Variants in CNOT11 observed in about 807,000 individuals in gnomAD.
CNOT11 encodes the protein CCR4-NOT transcription complex subunit 11.
In CNOT11, 18 loss-of-function variants were observed where a neutral mutation model predicts 44.6. The observed-to-expected ratio is 0.40, with a 90% CI of 0.28 to 0.60. The LOEUF (loss-of-function observed/expected upper bound fraction) is 0.60, where lower values mean the gene tolerates loss of function less well. Ranked by LOEUF, CNOT11 falls within the 20% of genes least tolerant of loss-of-function variation. The probability of loss-of-function intolerance (pLI) is 0.38; values close to 1 mark genes in which losing one functional copy is unlikely to be tolerated. For synonymous variants in CNOT11, 291 were observed against 270.9 expected (o/e 1.07, Z -0.73); for missense variants, 513 against 677.0 (o/e 0.76, Z 2.69).
At chr2:101,259,521 C>CA in intron 2 of CNOT11, among the ~76,000 whole-genome samples, 1 of 152,302 alleles carries the variant, frequency 6.6e-6, no homozygotes, top group East Asian at 1.9e-4. Flanking sequence ...TGTCAGCATT[C>CA]ATTTTCTCAC....
At chr2:101,257,163 C>T (rs910463095) in intron 1 of CNOT11, among the ~76,000 whole-genome samples, 1 of 151,906 alleles carries the variant, frequency 6.6e-6, no homozygotes, top group Non-Finnish European at 1.5e-5. Context: ...GAGGCTGAGG[C>T]GAGTGGATCA....
intron 2 of CNOT11, among the ~76,000 whole-genome samples, chr2:101,258,273 C>G (rs1225740551): frequency 1.3e-5 from 2 of 151,958 alleles, no homozygotes; most frequent in African/African-American, 4.8e-5. Flanking sequence ...TGCAGCACGC[C>G]TGTAATCCCA....
At position 101,252,996 on chromosome 2, in the gene CNOT11, GC is replaced by G. The variant is rs1681653518; in HGVS notation, c.34del (p.Arg12GlyfsTer50). 1 of 1,496,912 alleles carries G rather than the reference GC, an allele frequency of 6.7e-7. No homozygotes were observed. Among genetic ancestry groups the G allele is most frequent in the Admixed American group, 2.2e-5 (1 of 45,948 alleles). The allele number at this position is 1,496,912 out of a possible 1,614,324, so 92.7% of individuals were successfully genotyped here. Reference protein sequence around the residue: MPGGGASAASGRLLTAAEQRG... With the variant: MPGGGASAASXRLLTAAEQRG... ...GGCGGAGGGGCGAGCGCGGCGTCTG[GC>G]CGGCTTCTCACCGCCGCGGAGCAAA... On this transcript the variant is annotated frameshift_variant, in exon 1 of 7. Coordinates refer to ENST00000289382, the MANE Select transcript of CNOT11 (RefSeq NM_017546.5). LOFTEE classifies it high-confidence loss of function.
chr2:101,252,993 C>G lies in CNOT11; in HGVS notation c.29C>G (p.Ser10Cys). ...CCCGGCGGAGGGGCGAGCGCGGCGTCTGGCCGGCTTCTCACCGCCGCGGAG... is the reference window on the plus strand; with the variant it reads ...CCCGGCGGAGGGGCGAGCGCGGCGTGTGGCCGGCTTCTCACCGCCGCGGAG... MPGGGASAA[S>C]GRLLTAAEQR... Residue 10 changes from serine (S) to cysteine (C), a missense_variant, in exon 1 of 7, where the codon TCT becomes TGT. By Grantham distance (112) the Ser-to-Cys change is moderately radical. Coordinates refer to ENST00000289382, the MANE Select transcript of CNOT11 (RefSeq NM_017546.5). The G allele has an allele frequency of 6.7e-7, 1 of 1,494,236 alleles. No individual in the cohort carries two copies. Among genetic ancestry groups the G allele is most frequent in the South Asian group, 1.2e-5 (1 of 80,006 alleles). The allele number at this position is 1,494,236 out of a possible 1,614,324, so 92.6% of individuals were successfully genotyped here.
Position 101,264,841 on chromosome 2 carries a change from A to G in CNOT11, c.833-4A>G. The stretch of plus-strand genomic sequence containing the variant: ...AGGAGCAACTATCACGGCTCTCATT[A>G]CAGGCCATTTTCGACCAGAGTTTAT... On this transcript the variant is annotated splice_polypyrimidine_tract_variant and splice_region_variant and intron_variant, in intron 3 of 6. Transcript: ENST00000289382. 1.2e-6 allele frequency: 2 copies of G among 1,613,624 alleles called. No homozygotes were observed. The highest frequency in any genetic ancestry group is 1.7e-6 in the Non-Finnish European group (2 of 1,179,596).
At chr2:101,259,118 C>T (rs370608065) in intron 2 of CNOT11, among the ~76,000 whole-genome samples, 18 of 152,206 alleles carry the variant, frequency 1.2e-4, no homozygotes, top group South Asian at 1.0e-3. Context: ...TGCACAATAT[C>T]GTGAGACCTG....
chr2:101,266,913 T>A, intron 5 of CNOT11, 34 bp downstream of exon 5: 1 of 1,515,554 alleles, frequency 6.6e-7, no homozygotes, highest in Non-Finnish European at 9.2e-7. Context: ...TGTGTGGGGA[T>A]AGATACAGAT....
At position 101,270,301 on chromosome 2, in the gene CNOT11, T is replaced by G. The variant is rs1682084292; in HGVS notation, c.*888T>G. The G allele has an allele frequency of 6.6e-6, 1 of 152,594 alleles. No individual in the cohort carries two copies. The highest frequency in any genetic ancestry group is 1.5e-5 in the Non-Finnish European group (1 of 68,032). 9.5% of individuals were successfully genotyped at this position (152,594 alleles called of 1,614,324 possible). ...ACAACAGTGCCTTCCATTAAAGTTC[T>G]TTTTATCAACTGTTATCTGATGTAT... On this transcript the variant is annotated 3_prime_UTR_variant, in exon 7 of 7. Coordinates refer to ENST00000289382, the MANE Select transcript of CNOT11 (RefSeq NM_017546.5).
intron 3 of CNOT11, among the ~76,000 whole-genome samples, chr2:101,263,425 C>A (rs1553436186): frequency 1.3e-5 from 2 of 152,040 alleles, no homozygotes; most frequent in Non-Finnish European, 2.9e-5. Context: ...TTGGGGATTT[C>A]TTTAAGAGAT....
chr2:101,260,287 T>C (rs908458659), intron 2 of CNOT11, among the ~76,000 whole-genome samples: 2 of 152,126 alleles, frequency 1.3e-5, no homozygotes, highest in African/African-American at 4.8e-5. Context: ...TATTATAATA[T>C]TTATTTATAG....
At chr2:101,263,771 GCTT>G (rs1046729081) in intron 3 of CNOT11, among the ~76,000 whole-genome samples, 12 of 152,292 alleles carry the variant, frequency 7.9e-5, no homozygotes, top group African/African-American at 2.9e-4. Flanking sequence ...GCATGTAATG[GCTT>G]CTTTTAAATA....
rs1046169251 is a variant in CNOT11, at chr2:101,252,927, C to A, written c.-38C>A. 17 of 1,399,294 alleles carry A rather than the reference C, an allele frequency of 1.2e-5. No individual in the cohort carries two copies. The highest frequency in any genetic ancestry group is 3.5e-5 in the Admixed American group (1 of 28,252). The allele number at this position is 1,399,294 out of a possible 1,614,324, so 86.7% of individuals were successfully genotyped here. ...GGGACGGAGCGAGCCGGCGCCAGGG[C>A]CCCTCGGGCCGGGAAGAGGGGAAGG... On this transcript the variant is annotated 5_prime_UTR_variant, in exon 1 of 7. Coordinates refer to ENST00000289382, the MANE Select transcript of CNOT11 (RefSeq NM_017546.5).
At chr2:101,267,515 G>A (rs926539015) in intron 5 of CNOT11, among the ~76,000 whole-genome samples, 18 of 152,172 alleles carry the variant, frequency 1.2e-4, no homozygotes, top group Admixed American at 1.2e-3. Context: ...ACAGCTGTAA[G>A]TGTGGAAAAA....
In CNOT11 at chr2:101,269,266, C is replaced by T. The variant is rs1682057612; in HGVS notation, c.1386C>T (p.Asn462=). The part of the protein sequence containing the change: ...VCVFLQSLIR[N]KIINVQDLFI... ...TGTTTCTCCAATCCTTGATCCGTAA[C>T]AAAATTATTAATGTACAGGATTTGT... Residue 462 remains asparagine, a synonymous_variant, in exon 7 of 7, where the codon AAC becomes AAT. Transcript: ENST00000289382. This position sits in a 1 kb window ranked among gnomAD's most constrained non-coding sequence, Gnocchi z 4.8. 1.2e-6 allele frequency: 2 copies of T among 1,613,586 alleles called. No homozygotes were observed. The highest frequency in any genetic ancestry group is 1.7e-6 in the Non-Finnish European group (2 of 1,179,930).
At position 101,252,895 on chromosome 2, in the gene CNOT11, G is replaced by C; in HGVS notation, c.-70G>C. On this transcript the variant is annotated 5_prime_UTR_variant, in exon 1 of 7. Coordinates refer to ENST00000289382, the MANE Select transcript of CNOT11 (RefSeq NM_017546.5). ...GCTGTCGTGTAACAGCGCGCTTTAC[G>C]GCCGCGGGGACGGAGCGAGCCGGCG... 1 of 1,347,726 alleles carries C rather than the reference G, an allele frequency of 7.4e-7. No homozygotes were observed. The highest frequency in any genetic ancestry group is 9.5e-7 in the Non-Finnish European group (1 of 1,050,290). 83.5% of individuals were successfully genotyped at this position (1,347,726 alleles called of 1,614,324 possible).
chr2:101,260,710 G>A (rs1231445833), intron 2 of CNOT11, among the ~76,000 whole-genome samples: 1 of 152,004 alleles, frequency 6.6e-6, no homozygotes, highest in African/African-American at 2.4e-5. Flanking sequence ...GACTACAAGG[G>A]GTGAAGTTTT....
At chr2:101,256,715 A>G (rs376615251) in intron 1 of CNOT11, among the ~76,000 whole-genome samples, 35 of 152,350 alleles carry the variant, frequency 2.3e-4, no homozygotes, top group African/African-American at 8.4e-4. Context: ...GTTTGCATAT[A>G]TAAGCTTTAG....
At chr2:101,259,186 A>T (rs1681797692) in intron 2 of CNOT11, among the ~76,000 whole-genome samples, 1 of 152,172 alleles carries the variant, frequency 6.6e-6, no homozygotes, top group Middle Eastern at 3.4e-3. Flanking sequence ...GTTGAAAATC[A>T]TTTGCCCATA....
intron 2 of CNOT11, 198 bp from the exon 3 acceptor site, chr2:101,262,341 A>T: frequency 1.9e-6 from 1 of 520,562 alleles, no homozygotes; most frequent in Non-Finnish European, 3.5e-6. Context: ...ACGTCACTTC[A>T]CTTAGTGGCA....
Sources: gnomAD v4.1 joint callset for allele counts (sites outside exome capture counted in the v4.1 genomes callset) on GRCh38, gnomAD v4.1.1 for gene constraint, Gnocchi (gnomAD v3.1) non-coding constraint, MANE v1.5 for transcripts, NCBI Gene and HGNC (gene_info 2026-07-23, HGNC 2026-07-21) for gene names.